SOS1: variants seen among roughly 807,000 people sequenced by gnomAD.
SOS1 encodes the protein son of sevenless homolog 1.
A neutral mutation model predicts 157.6 loss-of-function variants in SOS1; 25 were observed. The observed-to-expected ratio is 0.16, with a 90% confidence interval of 0.12 to 0.22. The LOEUF (loss-of-function observed/expected upper bound fraction) is 0.22, where lower values mean the gene tolerates loss of function less well. SOS1 is among the 10% of genes least tolerant of loss of function. SOS1 has a pLI of 1.00. For missense variants in SOS1, 1,237 were observed against 1,599.1 expected (o/e 0.77, Z 3.86); for synonymous variants, 528 against 534.0 (o/e 0.99, Z 0.16).
rs538308208 is a variant in SOS1 at position 39,102,097 on chromosome 2, C to T, written c.87+18239G>A. 2.3e-3 allele frequency among the ~76,000 whole-genome samples: 327 copies of T among 145,054 alleles called. 2 individuals are homozygous for T. Among genetic ancestry groups the T allele is most frequent in the Non-Finnish European group, 3.5e-3 (233 of 66,788 alleles). On this transcript the variant is annotated intron_variant, in intron 1 of 22. Coordinates refer to ENST00000402219, the MANE Select transcript of SOS1 (RefSeq NM_005633.4). ...GGCAGGCCCCATAATCCCAGCTACTCGGGAGGCTGAGGCAGGAGAATCACT... is the reference window on the plus strand; with the variant it reads ...GGCAGGCCCCATAATCCCAGCTACTTGGGAGGCTGAGGCAGGAGAATCACT...
chr2:39,062,493 AG>A (rs1397512499), intron 2 of SOS1, among the ~76,000 whole-genome samples: 1 of 148,702 alleles, frequency 6.7e-6, no homozygotes, highest in Non-Finnish European at 1.5e-5. Flanking sequence ...TAGGATTCCA[AG>A]GGAAAAAAAG....
chr2:38,987,856 C>G, intron 21 of SOS1: 1 of 387,736 alleles, frequency 2.6e-6, no homozygotes, highest in South Asian at 2.8e-5. Flanking sequence ...CCCATGGTTA[C>G]TCTATTATTG....
chr2:39,050,429 T>C (rs1382389054), intron 6 of SOS1, among the ~76,000 whole-genome samples: 1 of 152,204 alleles, frequency 6.6e-6, no homozygotes, highest in Non-Finnish European at 1.5e-5. Flanking sequence ...AAGCTTACTA[T>C]GTGAAGGTAG....
intron 1 of SOS1, among the ~76,000 whole-genome samples, chr2:39,090,348 T>C (rs371958903): frequency 1.1e-4 from 16 of 152,250 alleles, no homozygotes; most frequent in South Asian, 8.3e-4. Context: ...TGGGGGCTGG[T>C]TGACATAGTA....
At chr2:39,100,346 T>G (rs1273669331) in intron 1 of SOS1, among the ~76,000 whole-genome samples, 2 of 152,232 alleles carry the variant, frequency 1.3e-5, no homozygotes. Context: ...CTGGTAGAGA[T>G]ATCTGTGCTA....
chr2:38,990,788 C>T (rs181451996), intron 20 of SOS1, among the ~76,000 whole-genome samples: 1 of 152,126 alleles, frequency 6.6e-6, no homozygotes, highest in African/African-American at 2.4e-5. Flanking sequence ...CAGGCTTAGA[C>T]TCATGCATTT....
rs532165173 is a variant in SOS1, at chr2:39,034,417, AC to A, written c.1074+794del. On this transcript the variant is annotated intron_variant, in intron 8 of 22. Transcript: ENST00000402219. ...CTCTGTGAAAGAATCATGATACTAA[AC>A]AGAAGTTTTCTTTGATGAAACAAAT... 2.6e-5 allele frequency among the ~76,000 whole-genome samples: 4 copies of A among 152,344 alleles called. No homozygotes were observed. The East Asian group carries it at 7.7e-4, about 29-fold the overall frequency.
chr2:39,109,138 G>A (rs1390205601), intron 1 of SOS1, among the ~76,000 whole-genome samples: 3 of 152,188 alleles, frequency 2.0e-5, no homozygotes, highest in Admixed American at 6.5e-5. Flanking sequence ...AGTTGGGGCT[G>A]CAGTAAGCCA....
intron 3 of SOS1, 134 bp downstream of exon 3, chr2:39,058,539 T>C: frequency 1.1e-6 from 1 of 898,146 alleles, no homozygotes; most frequent in Non-Finnish European, 1.8e-6. Flanking sequence ...ACCACATAAA[T>C]CTCTGGAAAA....
At chr2:39,098,335 CT>C in intron 1 of SOS1, 1 of 261,818 alleles carries the variant, frequency 3.8e-6, no homozygotes, top group South Asian at 4.9e-5. Flanking sequence ...AATACTTTTC[CT>C]TGAGATTTTT....
At chr2:39,124,361 A>C (rs1461355904), upstream of SOS1, 3 of 152,174 alleles carry the variant, frequency 2.0e-5, no homozygotes, top group Non-Finnish European at 2.9e-5. Context: ...TTCCCTCCTC[A>C]GCTCTAAGGA....
At chr2:39,084,285 T>C (rs1159902284) in intron 1 of SOS1, among the ~76,000 whole-genome samples, 2 of 151,884 alleles carry the variant, frequency 1.3e-5, no homozygotes, top group Non-Finnish European at 2.9e-5. Context: ...TATTCTTAAG[T>C]GAAAAAAGAA....
At chr2:39,088,908 A>T (rs139311758) in intron 1 of SOS1, among the ~76,000 whole-genome samples, 21 of 152,276 alleles carry the variant, frequency 1.4e-4, no homozygotes, top group Non-Finnish European at 2.9e-4. Context: ...CAGAAGCTAT[A>T]CCATTTTAGA....
intron 1 of SOS1, among the ~76,000 whole-genome samples, chr2:39,080,018 C>T (rs759487617): frequency 2.6e-5 from 4 of 151,870 alleles, no homozygotes; most frequent in African/African-American, 4.8e-5. Context: ...TCCACAGACT[C>T]GGGTGGGGAG....
At chr2:39,020,367 T>C (rs1208578574) in intron 10 of SOS1, among the ~76,000 whole-genome samples, 1 of 151,764 alleles carries the variant, frequency 6.6e-6, no homozygotes, top group East Asian at 1.9e-4. Context: ...CTAAAAGATG[T>C]CTGTAAGTCG....
Position 39,115,402 on chromosome 2 carries a change from CTCTCT to C in SOS1, c.87+4929_87+4933del, listed in dbSNP as rs764186387. 9.3e-4 allele frequency among the ~76,000 whole-genome samples: 93 copies of C among 99,586 alleles called. 6 individuals are homozygous for C. In the East Asian group the frequency reaches 0.013, roughly 14 times the overall value. The allele number at this position is 99,586 out of a possible 152,430, so 65.3% of individuals were successfully genotyped here. On this transcript the variant is annotated intron_variant, in intron 1 of 22. Transcript: ENST00000402219. ...TTGTCATTTGTATCAAATTTGTTCT[CTCTCT>C]TTTTTTTTTTTTTTTTTTTTTTTTT...
At chr2:39,031,531 A>G (rs1218867561) in intron 8 of SOS1, among the ~76,000 whole-genome samples, 1 of 152,174 alleles carries the variant, frequency 6.6e-6, no homozygotes, top group East Asian at 1.9e-4. Context: ...GGAGTTCGTG[A>G]CCAGCCTGGC....
chr2:39,074,873 GA>G (rs200642538), intron 1 of SOS1, among the ~76,000 whole-genome samples: 1,371 of 109,046 alleles, frequency 0.013, 11 homozygotes, highest in African/African-American at 0.014. Context: ...GCCTCAACAG[GA>G]AAAAAAAAAA....
chr2:39,007,306 A>G, intron 15 of SOS1, 113 bp from the exon 16 acceptor site: 1 of 728,378 alleles, frequency 1.4e-6, no homozygotes. Flanking sequence ...GCGATAGTAT[A>G]ACTACTATAG....
Sources: gnomAD v4.1 joint callset for allele counts (sites outside exome capture counted in the v4.1 genomes callset) on GRCh38, gnomAD v4.1.1 for gene constraint, MANE v1.5 for transcripts, NCBI Gene and HGNC (gene_info 2026-07-23, HGNC 2026-07-21) for gene names.